SORCS3: variants seen among roughly 807,000 people sequenced by gnomAD.
SORCS3 encodes sortilin related VPS10 domain containing receptor 3.
In SORCS3, 57 loss-of-function variants were observed where a neutral mutation model predicts 146.3. The ratio of observed to expected loss-of-function variants is 0.39; its 90% confidence interval spans 0.31 to 0.49. SORCS3 has a LOEUF of 0.49. Ranked by LOEUF, SORCS3 falls within the 20% of genes least tolerant of loss-of-function variation. The pLI is 0.92. For missense variants in SORCS3, 1,341 were observed against 1,575.5 expected, an observed-to-expected ratio of 0.85 and a Z score of 2.52; for synonymous variants, 653 against 618.5, an observed-to-expected ratio of 1.06 and a Z score of -0.83.
intron 14 of SORCS3, among the ~76,000 whole-genome samples, chr10:105,190,097 C>A (rs528707176): frequency 6.6e-6 from 1 of 152,316 alleles, no homozygotes; most frequent in Non-Finnish European, 1.5e-5. Flanking sequence ...ATTGCCCATA[C>A]CTCAGTGCCA....
chr10:105,164,251 A>G lies in SORCS3; in HGVS notation c.1733-52A>G, dbSNP rs928624416. On this transcript the variant is annotated intron_variant, in intron 11 of 26. Coordinates refer to ENST00000369701, the MANE Select transcript of SORCS3 (RefSeq NM_014978.3). Reference sequence around the variant, plus strand: ...GCTCCCCCATCCCTCAGCCCTAAGCACACTTAATTGGTAAACTCCTGACAA... The same window carrying G: ...GCTCCCCCATCCCTCAGCCCTAAGCGCACTTAATTGGTAAACTCCTGACAA... 18 of 1,388,900 alleles carry G rather than the reference A, an allele frequency of 1.3e-5. No homozygotes were observed. The East Asian group carries it at 4.1e-4, about 32-fold the overall frequency. The allele number at this position is 1,388,900 out of a possible 1,614,324, so 86.0% of individuals were successfully genotyped here. A position where few individuals can be genotyped will look rare whatever the true frequency, so the allele number is the denominator to read the frequency against.
chr10:104,678,133 A>G (rs1421654296), intron 1 of SORCS3, among the ~76,000 whole-genome samples: 2 of 147,384 alleles, frequency 1.4e-5, no homozygotes, highest in African/African-American at 4.9e-5. Flanking sequence ...TTACCTGGGC[A>G]TAGACCCATT....
At chr10:104,846,936 A>G (rs1449517215) in intron 2 of SORCS3, among the ~76,000 whole-genome samples, 3 of 152,202 alleles carry the variant, frequency 2.0e-5, no homozygotes, top group African/African-American at 7.2e-5. Flanking sequence ...CTCCTTCCAC[A>G]GTGTCATATA....
chr10:104,807,683 T>C (rs1195918240), intron 1 of SORCS3, among the ~76,000 whole-genome samples: 5 of 152,208 alleles, frequency 3.3e-5, no homozygotes, highest in African/African-American at 1.2e-4. Context: ...CTGATTTTTG[T>C]AGTTGAACTT....
At chr10:105,131,689 A>G (rs1030498448) in intron 7 of SORCS3, among the ~76,000 whole-genome samples, 7 of 152,152 alleles carry the variant, frequency 4.6e-5, no homozygotes, top group Admixed American at 4.6e-4. Flanking sequence ...GGGAAGCATG[A>G]TGCTTGGCTT....
At chr10:104,740,701 TA>T (rs1401741632) in intron 1 of SORCS3, among the ~76,000 whole-genome samples, 21 of 152,172 alleles carry the variant, frequency 1.4e-4, no homozygotes, top group East Asian at 3.8e-4. Context: ...AAAAGACACT[TA>T]TTTTTTTGTT....
chr10:104,719,258 C>T (rs886929794), intron 1 of SORCS3, among the ~76,000 whole-genome samples: 3 of 152,086 alleles, frequency 2.0e-5, no homozygotes, highest in Non-Finnish European at 4.4e-5. Context: ...TTCTAAAATC[C>T]TGATTATTTT....
intron 1 of SORCS3, among the ~76,000 whole-genome samples, chr10:104,832,631 T>A (rs1215686002): frequency 6.6e-6 from 1 of 152,128 alleles, no homozygotes; most frequent in African/African-American, 2.4e-5. Flanking sequence ...GGCAGGAGAA[T>A]CGTTTGAACC....
chr10:105,140,843 G>A (rs1379850337), intron 8 of SORCS3, among the ~76,000 whole-genome samples: 1 of 152,134 alleles, frequency 6.6e-6, no homozygotes, highest in Non-Finnish European at 1.5e-5. Context: ...TCAGAGATAA[G>A]CTTTATGGGA....
intron 1 of SORCS3, among the ~76,000 whole-genome samples, chr10:104,757,066 GTTTT>G (rs35550035): frequency 1.7e-4 from 14 of 83,956 alleles, no homozygotes; most frequent in Non-Finnish European, 2.3e-4. Context: ...CAAGTTAAGG[GTTTT>G]TTTTTTTTTT....
chr10:104,882,294 T>C (rs977913585), intron 2 of SORCS3, among the ~76,000 whole-genome samples: 3 of 152,214 alleles, frequency 2.0e-5, no homozygotes, highest in Admixed American at 6.5e-5. Flanking sequence ...AAGTCACTTA[T>C]TATTTTTTTG....
chr10:104,977,863 C>G (rs189521529), intron 4 of SORCS3, among the ~76,000 whole-genome samples: 1 of 151,110 alleles, frequency 6.6e-6, no homozygotes, highest in African/African-American at 2.4e-5. Context: ...TCCTGAGTGG[C>G]TCGGATTACA....
At chr10:104,914,914 T>G (rs2133599539) in intron 2 of SORCS3, among the ~76,000 whole-genome samples, 1 of 151,658 alleles carries the variant, frequency 6.6e-6, no homozygotes, top group South Asian at 2.1e-4. Context: ...GTTGGAGAAG[T>G]TTTGTAAGTC....
intron 6 of SORCS3, among the ~76,000 whole-genome samples, chr10:105,102,780 C>CTTT (rs1183026265): frequency 5.2e-4 from 48 of 92,534 alleles, no homozygotes; most frequent in South Asian, 7.9e-4. Flanking sequence ...ACCTCTCAAC[C>CTTT]TTTTTTTTTT....
At chr10:105,005,508 T>C (rs887777804) in intron 4 of SORCS3, among the ~76,000 whole-genome samples, 1 of 150,360 alleles carries the variant, frequency 6.7e-6, no homozygotes, top group African/African-American at 2.5e-5. Context: ...GGATGAGTAG[T>C]TGCTAGCCAG....
intron 1 of SORCS3, among the ~76,000 whole-genome samples, chr10:104,730,573 G>A (rs2016694324): frequency 6.6e-6 from 1 of 152,134 alleles, no homozygotes; most frequent in Non-Finnish European, 1.5e-5. Context: ...CCTCAGCTGG[G>A]CCCTTAGGGC....
At chr10:104,971,672 C>CAAAAGG (rs2054861436) in intron 3 of SORCS3, among the ~76,000 whole-genome samples, 3 of 151,776 alleles carry the variant, frequency 2.0e-5, no homozygotes, top group South Asian at 4.1e-4. Flanking sequence ...TGATGATTTT[C>CAAAAGG]AAAAGGAAAA....
At chr10:104,671,814 G>A (rs1564655877) in intron 1 of SORCS3, among the ~76,000 whole-genome samples, 2 of 152,174 alleles carry the variant, frequency 1.3e-5, no homozygotes, top group South Asian at 2.1e-4. Context: ...TGTTTTCCAG[G>A]AATAAATACC....
At chr10:104,948,571 T>C (rs1307044687) in intron 3 of SORCS3, among the ~76,000 whole-genome samples, 1 of 152,214 alleles carries the variant, frequency 6.6e-6, no homozygotes, top group Non-Finnish European at 1.5e-5. Context: ...TAAACCTTGA[T>C]ATAGCTCTGC....
Sources: allele counts gnomAD v4.1 joint callset (sites outside exome capture counted in the v4.1 genomes callset), GRCh38; gene constraint gnomAD v4.1.1; transcripts MANE v1.5; gene names NCBI Gene and HGNC (gene_info 2026-07-23, HGNC 2026-07-21).